The following TTC17 variants were observed in gnomAD, a reference collection of about 807,000 sequenced individuals.
TTC17 encodes tetratricopeptide repeat protein 17.
Under a neutral mutation model 143.8 loss-of-function variants are expected in TTC17, and 58 were observed. The observed-to-expected ratio is 0.40, with a 90% confidence interval of 0.33 to 0.50. The LOEUF is 0.50. TTC17 is among the 20% of genes least tolerant of loss of function. The pLI, the probability that TTC17 is intolerant of heterozygous loss-of-function variation, is 0.49. For missense variants in TTC17, 1,273 were observed against 1,392.5 expected (o/e 0.91, Z 1.37); for synonymous variants, 501 against 497.8 (o/e 1.01, Z -0.09).
intron 21 of TTC17, among the ~76,000 whole-genome samples, chr11:43,481,058 GGT>G (rs1948277379): frequency 6.6e-6 from 1 of 151,954 alleles, no homozygotes; most frequent in African/African-American, 2.4e-5. Context: ...ATAAAAAGGA[GGT>G]AGTAGGCATA....
intron 16 of TTC17, among the ~76,000 whole-genome samples, chr11:43,420,989 A>G (rs1000264458): frequency 6.6e-6 from 1 of 152,204 alleles, no homozygotes; most frequent in African/African-American, 2.4e-5. Context: ...TCATTCATTC[A>G]TTCATTCAAT....
chr11:43,385,148 A>C (rs1857123045), intron 2 of TTC17, among the ~76,000 whole-genome samples: 1 of 152,212 alleles, frequency 6.6e-6, no homozygotes, highest in African/African-American at 2.4e-5. Flanking sequence ...TCCAACAAAA[A>C]TACTATAAAA....
chr11:43,472,949 C>T (rs1948118614), intron 21 of TTC17, among the ~76,000 whole-genome samples: 1 of 151,828 alleles, frequency 6.6e-6, no homozygotes. Flanking sequence ...CCAAGACCTG[C>T]AGATCACCTG....
chr11:43,421,862 G>A (rs935901334), intron 16 of TTC17, among the ~76,000 whole-genome samples: 5 of 143,992 alleles, frequency 3.5e-5, no homozygotes, highest in Non-Finnish European at 7.6e-5. Flanking sequence ...CCAGTCTTTG[G>A]AAAAGTTGTC....
chr11:43,389,709 C>CTCTGTCTG lies in TTC17; in HGVS notation c.308_309insCTGTCTGT (p.Glu104CysfsTer21). 6.2e-7 allele frequency: 1 copy of CTCTGTCTG among 1,613,742 alleles called. No homozygotes were observed. The highest frequency in any genetic ancestry group is 8.5e-7 in the Non-Finnish European group (1 of 1,179,724). The stretch of plus-strand genomic sequence containing the variant: ...AGAGAATGAGGACAGAGACACAGGA[C>CTCTGTCTG]TGGAACAGAGACATAATAAAGAAGA... On this transcript the variant is annotated frameshift_variant, in exon 3 of 24. Transcript: ENST00000039989. LOFTEE classifies it high-confidence loss of function.
intron 2 of TTC17, among the ~76,000 whole-genome samples, chr11:43,388,414 T>TTTATTTGTATAAATTAATTGTATAAAAA (rs1857248461): frequency 6.6e-6 from 1 of 152,062 alleles, no homozygotes; most frequent in South Asian, 2.1e-4. Context: ...GTAAGAGTAA[T>TTTATTTGTATAAATTAATTGTATAAAAA]GTAGTATTTT....
chr11:43,367,714 CTGTGTGTGTGTGTGTGTG>C (rs3083209), intron 1 of TTC17, among the ~76,000 whole-genome samples: 1 of 147,082 alleles, frequency 6.8e-6, no homozygotes, highest in South Asian at 2.2e-4. Flanking sequence ...AGGGGAATGT[CTGTGTGTGTGTGTGTGTG>C]TGTGTGTGTG....
intron 2 of TTC17, among the ~76,000 whole-genome samples, chr11:43,383,871 A>G (rs931078437): frequency 1.3e-5 from 2 of 152,158 alleles, no homozygotes; most frequent in African/African-American, 4.8e-5. Context: ...AAGCACTAAA[A>G]TAATAGACAT....
intron 16 of TTC17, among the ~76,000 whole-genome samples, chr11:43,423,713 G>A (rs1040255698): frequency 3.3e-5 from 5 of 152,144 alleles, no homozygotes; most frequent in Admixed American, 6.6e-5. Context: ...ACCTAAATTA[G>A]TGTAAGATTA....
At position 43,464,654 on chromosome 11, in the gene TTC17, G is replaced by A. The variant is rs533610253; in HGVS notation, c.3030+13389G>A. Among the ~76,000 whole-genome samples, 7 of 152,016 alleles carry A rather than the reference G, an allele frequency of 4.6e-5. 1 individual carries two copies. The highest frequency in any genetic ancestry group is 1.7e-4 in the African/African-American group (7 of 41,466). ...ATCTTAGAAAAATGGACTAGATGCA[G>A]CAGAAAAGAAAATGAAAGCAGAAAA... On this transcript the variant is annotated intron_variant, in intron 21 of 23. Coordinates refer to ENST00000039989, the MANE Select transcript of TTC17 (RefSeq NM_018259.6).
chr11:43,450,814 A>C (rs1947643088), intron 20 of TTC17, among the ~76,000 whole-genome samples: 1 of 152,220 alleles, frequency 6.6e-6, no homozygotes, highest in Non-Finnish European at 1.5e-5. Flanking sequence ...GTGAGAAAAA[A>C]ATGTACATAG....
chr11:43,442,517 A>T (rs1304979280), intron 16 of TTC17, among the ~76,000 whole-genome samples: 1 of 152,238 alleles, frequency 6.6e-6, no homozygotes, highest in Non-Finnish European at 1.5e-5. Flanking sequence ...CAAAATAAAC[A>T]GGAAAAGTTA....
At chr11:43,462,921 C>CTTTTTTTTTTTTTTTTTTTTTTTTCTT (rs562594929) in intron 21 of TTC17, among the ~76,000 whole-genome samples, 1 of 117,760 alleles carries the variant, frequency 8.5e-6, no homozygotes. Context: ...TGACAAAATT[C>CTTTTTTTTTTTTTTTTTTTTTTTTCTT]TTTTTTTTTT....
intron 15 of TTC17, among the ~76,000 whole-genome samples, chr11:43,413,331 G>A (rs1424202183): frequency 6.6e-6 from 1 of 152,060 alleles, no homozygotes. Flanking sequence ...CCATACACAG[G>A]ATTAATTTGA....
chr11:43,465,218 A>G (rs935685882), intron 21 of TTC17, among the ~76,000 whole-genome samples: 1 of 152,224 alleles, frequency 6.6e-6, no homozygotes, highest in African/African-American at 2.4e-5. Context: ...AATTAAGTTT[A>G]TTGTCTACTT....
intron 1 of TTC17, among the ~76,000 whole-genome samples, chr11:43,362,221 A>G (rs1019526308): frequency 6.6e-5 from 10 of 151,274 alleles, no homozygotes; most frequent in Non-Finnish European, 1.3e-4. Flanking sequence ...GGGTTTTACC[A>G]TACTGGACAG....
intron 16 of TTC17, 39 bp downstream of exon 16, chr11:43,414,815 G>T: frequency 1.0e-5 from 16 of 1,588,440 alleles, no homozygotes; most frequent in African/African-American, 1.4e-5. Flanking sequence ...AATGAGCTCA[G>T]CCAGAGTTCC....
rs531334087 is a variant in TTC17, at chr11:43,400,457, C to T, written c.1219+409C>T. Reference sequence around the variant, plus strand: ...TAAGCTCCCAGGTGATGCTTGTTGCCGCAGGTCTAAAAACTCTGCACTATG... The same window carrying T: ...TAAGCTCCCAGGTGATGCTTGTTGCTGCAGGTCTAAAAACTCTGCACTATG... On this transcript the variant is annotated intron_variant, in intron 9 of 23. Coordinates refer to ENST00000039989, the MANE Select transcript of TTC17 (RefSeq NM_018259.6). Among the ~76,000 whole-genome samples, 15 of 152,112 alleles carry T rather than the reference C, an allele frequency of 9.9e-5. No homozygotes were observed. In the South Asian group the frequency reaches 2.9e-3, roughly 29 times the overall value.
At chr11:43,363,720 T>C (rs1374405031) in intron 1 of TTC17, among the ~76,000 whole-genome samples, 1 of 152,254 alleles carries the variant, frequency 6.6e-6, no homozygotes, top group Non-Finnish European at 1.5e-5. Context: ...GTCGTGTAAC[T>C]AATGTGTGGC....
Sources: gnomAD v4.1 joint callset for allele counts (sites outside exome capture counted in the v4.1 genomes callset) on GRCh38, gnomAD v4.1.1 for gene constraint, MANE v1.5 for transcripts, NCBI Gene and HGNC (gene_info 2026-07-23, HGNC 2026-07-21) for gene names.